Variants in FZD1 observed in about 807,000 individuals in gnomAD.
The protein encoded by FZD1 is frizzled-1.
Under a neutral mutation model 48.0 loss-of-function variants are expected in FZD1, and 22 were observed. The ratio of observed to expected loss-of-function variants is 0.46; its 90% CI spans 0.33 to 0.65. FZD1 has a LOEUF of 0.65. FZD1 is among the 30% of genes least tolerant of loss of function. The pLI, the probability that FZD1 is intolerant of heterozygous loss-of-function variation, is 0.02. For missense variants in FZD1, 843 were observed against 898.1 expected, an observed-to-expected ratio of 0.94 and a Z score of 0.78; for synonymous variants, 486 against 409.6, an observed-to-expected ratio of 1.19 and a Z score of -2.25.
chr7:91,266,110 C>T lies in FZD1; in HGVS notation c.1230C>T (p.Tyr410=), dbSNP rs1803875583. Residue 410 remains tyrosine, a synonymous_variant, in exon 1 of 1, where the codon TAC becomes TAT. Coordinates refer to ENST00000287934, the MANE Select transcript of FZD1 (RefSeq NM_003505.2). This position sits in a 1 kb window ranked among gnomAD's most constrained non-coding sequence, Gnocchi z 6.8. ...EGCTILFMML[Y]FFSMASSIWW... is the part of the protein sequence containing the mutation. ...GCACCATCCTCTTCATGATGCTCTA[C>T]TTCTTCAGCATGGCCAGCTCCATCT... is the stretch of plus-strand genomic sequence containing the variant. 2 of 1,614,240 alleles carry T rather than the reference C, an allele frequency of 1.2e-6. No individual in the cohort carries two copies. Among genetic ancestry groups the T allele is most frequent in the South Asian group, 1.1e-5 (1 of 91,086 alleles).
Position 91,268,849 on chromosome 7 carries a change from C to T in FZD1, c.*2025C>T, listed in dbSNP as rs1388011163. ...CAATGAAAAAAGTCTACCCTTAAAC[C>T]CTCAGATCAGTCTTTCCAAAGAATT... is the stretch of plus-strand genomic sequence containing the variant. On this transcript the variant is annotated 3_prime_UTR_variant, in exon 1 of 1. Coordinates refer to ENST00000287934, the MANE Select transcript of FZD1 (RefSeq NM_003505.2). 6.0e-6 allele frequency: 1 copy of T among 166,856 alleles called. No individual in the cohort carries two copies. Among genetic ancestry groups the T allele is most frequent in the African/African-American group, 2.4e-5 (1 of 41,382 alleles). The allele number at this position is 166,856 out of a possible 1,614,324, so 10.3% of individuals were successfully genotyped here. A position where few individuals can be genotyped will look rare whatever the true frequency, so the allele number is the denominator to read the frequency against.
In FZD1 at chr7:91,271,306, A is replaced by T. The variant is rs559918294; in HGVS notation, c.*4482A>T. On this transcript the variant is annotated 3_prime_UTR_variant, in exon 1 of 1. Transcript: ENST00000287934. ...ACAGCTTGCTTAGAACCTGGAAATT[A>T]AAACACAATTTCTAGAGTAATTTTT... 3 of 166,988 alleles carry T rather than the reference A, an allele frequency of 1.8e-5. No homozygotes were observed. The highest frequency in any genetic ancestry group is 4.4e-5 in the Non-Finnish European group (3 of 68,100). 10.3% of individuals were successfully genotyped at this position (166,988 alleles called of 1,614,324 possible).
In FZD1 at chr7:91,265,801, G is replaced by C. The variant is rs748264916; in HGVS notation, c.921G>C (p.Gly307=). 6.2e-7 allele frequency: 1 copy of C among 1,613,638 alleles called. No homozygotes were observed. Among genetic ancestry groups the C allele is most frequent in the Non-Finnish European group, 8.5e-7 (1 of 1,179,682 alleles). Residue 307 remains glycine, a synonymous_variant, in exon 1 of 1, where the codon GGG becomes GGC. Coordinates refer to ENST00000287934, the MANE Select transcript of FZD1 (RefSeq NM_003505.2). This position sits in a 1 kb window ranked among gnomAD's most constrained non-coding sequence, Gnocchi z 6.9. ...CTTGTGAGCCGACCAAGGTGTATGG[G>C]CTCATGTACTTCGGGCCCGAGGAGC... ...GAPCEPTKVY[G]LMYFGPEELR...
rs371579888 is a variant in FZD1 at position 91,266,291 on chromosome 7, G to A, written c.1411G>A (p.Asp471Asn). 1 of 1,614,152 alleles carries A rather than the reference G, an allele frequency of 6.2e-7. No homozygotes were observed. The highest frequency in any genetic ancestry group is 8.5e-7 in the Non-Finnish European group (1 of 1,180,030). Residue 471 changes from aspartate (D) to asparagine (N), a missense_variant, in exon 1 of 1, where the codon GAT becomes AAT. Coordinates refer to ENST00000287934, the MANE Select transcript of FZD1 (RefSeq NM_003505.2). The surrounding 1 kb of genome is among the most constrained non-coding windows in gnomAD (Gnocchi z 6.8). ...TILALGQVDG[D>N]VLSGVCFVGL... is the part of the protein sequence containing the mutation. ...CCTGGCGCTGGGCCAGGTGGACGGCGATGTGCTGAGCGGAGTGTGCTTCGT... is the reference window on the plus strand; with the variant it reads ...CCTGGCGCTGGGCCAGGTGGACGGCAATGTGCTGAGCGGAGTGTGCTTCGT...
rs1488009330 is a variant in FZD1 at position 91,264,662 on chromosome 7, A to T, written c.-219A>T. 9 of 390,456 alleles carry T rather than the reference A, an allele frequency of 2.3e-5. No individual in the cohort carries two copies. Among genetic ancestry groups the T allele is most frequent in the Non-Finnish European group, 3.1e-5 (7 of 222,226 alleles). 24.2% of individuals were successfully genotyped at this position (390,456 alleles called of 1,614,324 possible). On this transcript the variant is annotated 5_prime_UTR_variant, in exon 1 of 1. Transcript: ENST00000287934. ...GACACGACCCCGGCGCGCCCTAGCCACCCGGGTTCTCCCCGCCGCCCGCGC... is the reference window on the plus strand; with the variant it reads ...GACACGACCCCGGCGCGCCCTAGCCTCCCGGGTTCTCCCCGCCGCCCGCGC...
rs781188913 is a variant in FZD1, at chr7:91,265,366, C to A, written c.486C>A (p.Ser162=). 2 of 1,613,962 alleles carry A rather than the reference C, an allele frequency of 1.2e-6. No individual in the cohort carries two copies. Among genetic ancestry groups the A allele is most frequent in the African/African-American group, 2.7e-5 (2 of 74,936 alleles). ...ACCCTCTAGTGAAAGTGCAGTGTTC[C>A]GCTGAGCTCAAGTTCTTCCTGTGCT... ...QFYPLVKVQC[S]AELKFFLCSM... The change falls in exon 1 of 1, where the codon TCC becomes TCA. Residue 162 remains serine, a synonymous_variant. Transcript: ENST00000287934. The surrounding 1 kb of genome is among the most constrained non-coding windows in gnomAD (Gnocchi z 6.9).
rs1803917029 is a variant in FZD1 at position 91,268,168 on chromosome 7, T to G, written c.*1344T>G. The G allele has an allele frequency of 6.0e-6, 1 of 166,990 alleles. No homozygotes were observed. Among genetic ancestry groups the G allele is most frequent in the Non-Finnish European group, 1.5e-5 (1 of 68,124 alleles). 10.3% of individuals were successfully genotyped at this position (166,990 alleles called of 1,614,324 possible). ...TAGACATATATCAGAAACTTTAAAATGTAAAAGTTGTACACTTTCAACATT... is the reference window on the plus strand; with the variant it reads ...TAGACATATATCAGAAACTTTAAAAGGTAAAAGTTGTACACTTTCAACATT... On this transcript the variant is annotated 3_prime_UTR_variant, in exon 1 of 1. Coordinates refer to ENST00000287934, the MANE Select transcript of FZD1 (RefSeq NM_003505.2).
rs1250947076 is a variant in FZD1 at position 91,265,714 on chromosome 7, C to T, written c.834C>T (p.Arg278=). 6.2e-7 allele frequency: 1 copy of T among 1,606,328 alleles called. No homozygotes were observed. ...ASERGKFSCP[R]ALKVPSYLNY... ...AGCGAGGCAAGTTCTCCTGCCCGCG[C>T]GCCCTCAAGGTGCCCTCCTACCTCA... Residue 278 remains arginine, a synonymous_variant, in exon 1 of 1, where the codon CGC becomes CGT. Coordinates refer to ENST00000287934, the MANE Select transcript of FZD1 (RefSeq NM_003505.2). The surrounding 1 kb of genome is among the most constrained non-coding windows in gnomAD (Gnocchi z 6.9).
rs151338078 is a variant in FZD1, at chr7:91,266,719, G to C, written c.1839G>C (p.Val613=). ...FMIKYLMTLI[V]GITSGFWIWS... The stretch of plus-strand genomic sequence containing the variant: ...TTAAGTACCTTATGACGCTGATCGT[G>C]GGCATCACGTCGGGCTTCTGGATCT... Residue 613 remains valine, a synonymous_variant, in exon 1 of 1, where the codon GTG becomes GTC. Transcript: ENST00000287934. The surrounding 1 kb of genome is among the most constrained non-coding windows in gnomAD (Gnocchi z 6.8). 7 of 1,613,314 alleles carry C rather than the reference G, an allele frequency of 4.3e-6. No homozygotes were observed. Among genetic ancestry groups the C allele is most frequent in the Non-Finnish European group, 5.9e-6 (7 of 1,179,696 alleles).
rs1803938069 is a variant in FZD1, at chr7:91,269,624, GA to G, written c.*2804del. ...CTTATAAGTCATTATTCATTTTAAG[GA>G]AAATCAAAAAAATTAGATCTTACTA... On this transcript the variant is annotated 3_prime_UTR_variant, in exon 1 of 1. Coordinates refer to ENST00000287934, the MANE Select transcript of FZD1 (RefSeq NM_003505.2). The G allele has an allele frequency of 6.0e-6, 1 of 166,750 alleles. No homozygotes were observed. Among genetic ancestry groups the G allele is most frequent in the Admixed American group, 6.6e-5 (1 of 15,256 alleles). The allele number at this position is 166,750 out of a possible 1,614,324, so 10.3% of individuals were successfully genotyped here. A position where few individuals can be genotyped will look rare whatever the true frequency, so the allele number is the denominator to read the frequency against.
chr7:91,265,467 A>G lies in FZD1; in HGVS notation c.587A>G (p.Gln196Arg), dbSNP rs1421872447. The change falls in exon 1 of 1, where the codon CAG (glutamine) becomes CGG (arginine). Residue 196 changes from glutamine (Q) to arginine (R), a missense_variant. This residue lies in a region of FZD1 where 490 missense variants were observed against 466.5 expected (regional missense o/e 1.05). Coordinates refer to ENST00000287934, the MANE Select transcript of FZD1 (RefSeq NM_003505.2). The surrounding 1 kb of genome is among the most constrained non-coding windows in gnomAD (Gnocchi z 6.9). ...PCRSLCERAR[Q>R]GCEALMNKFG... ...CGCTCCCTGTGCGAGCGCGCGCGCC[A>G]GGGCTGCGAGGCGCTCATGAACAAG... is the stretch of plus-strand genomic sequence containing the variant. 1.1e-5 allele frequency: 17 copies of G among 1,612,954 alleles called. No individual in the cohort carries two copies. The highest frequency in any genetic ancestry group is 1.4e-5 in the Non-Finnish European group (17 of 1,179,682).
Position 91,268,658 on chromosome 7 carries a change from A to T in FZD1, c.*1834A>T, listed in dbSNP as rs925235159. 1 of 165,916 alleles carries T rather than the reference A, an allele frequency of 6.0e-6. No individual in the cohort carries two copies. The highest frequency in any genetic ancestry group is 1.5e-5 in the Non-Finnish European group (1 of 68,062). 10.3% of individuals were successfully genotyped at this position (165,916 alleles called of 1,614,324 possible). A position where few individuals can be genotyped will look rare whatever the true frequency, so the allele number is the denominator to read the frequency against. ...TATATTTATAGAGGAATAGAAGTTT[A>T]TATATATATAATACCATATTTTTAA... is the stretch of plus-strand genomic sequence containing the variant. On this transcript the variant is annotated 3_prime_UTR_variant, in exon 1 of 1. Coordinates refer to ENST00000287934, the MANE Select transcript of FZD1 (RefSeq NM_003505.2).
Position 91,266,986 on chromosome 7 carries a change from GT to G in FZD1, c.*163del. The G allele has an allele frequency of 5.1e-6, 3 of 588,460 alleles. No homozygotes were observed. The highest frequency in any genetic ancestry group is 9.2e-6 in the Non-Finnish European group (3 of 325,192). The allele number at this position is 588,460 out of a possible 1,614,324, so 36.5% of individuals were successfully genotyped here. On this transcript the variant is annotated 3_prime_UTR_variant, in exon 1 of 1. Transcript: ENST00000287934. The surrounding 1 kb of genome is among the most constrained non-coding windows in gnomAD (Gnocchi z 6.8). ...CAACTCAGCTCCTGCAAAAGCTTCC[GT>G]CCCTGAGGCAAAAGGACACGAGGGC...
At position 91,264,503 on chromosome 7, in the gene FZD1, G is replaced by A. The variant is rs1244207287; in HGVS notation, c.-378G>A. On this transcript the variant is annotated 5_prime_UTR_variant, in exon 1 of 1. Coordinates refer to ENST00000287934, the MANE Select transcript of FZD1 (RefSeq NM_003505.2). The stretch of plus-strand genomic sequence containing the variant: ...TTGACACAAATGGTCAGGCGGCGGC[G>A]GCGGAGAAGGAGGCGGAGGCGCAGG... 1.6e-5 allele frequency: 5 copies of A among 309,142 alleles called. No homozygotes were observed. Among genetic ancestry groups the A allele is most frequent in the Non-Finnish European group, 3.0e-5 (5 of 168,122 alleles). The allele number at this position is 309,142 out of a possible 1,614,324, so 19.1% of individuals were successfully genotyped here.
At position 91,265,390 on chromosome 7, in the gene FZD1, C is replaced by T; in HGVS notation, c.510C>T (p.Cys170=). 1 of 1,613,972 alleles carries T rather than the reference C, an allele frequency of 6.2e-7. No individual in the cohort carries two copies. The highest frequency in any genetic ancestry group is 8.5e-7 in the Non-Finnish European group (1 of 1,179,930). Residue 170 remains cysteine, a synonymous_variant, in exon 1 of 1, where the codon TGC becomes TGT. Coordinates refer to ENST00000287934, the MANE Select transcript of FZD1 (RefSeq NM_003505.2). This position sits in a 1 kb window ranked among gnomAD's most constrained non-coding sequence, Gnocchi z 6.9. Reference sequence around the variant, plus strand: ...CCGCTGAGCTCAAGTTCTTCCTGTGCTCCATGTACGCGCCCGTGTGCACCG... The same window carrying T: ...CCGCTGAGCTCAAGTTCTTCCTGTGTTCCATGTACGCGCCCGTGTGCACCG... ...QCSAELKFFL[C]SMYAPVCTVL...
rs945437355 is a variant in FZD1 at position 91,270,027 on chromosome 7, A to G, written c.*3203A>G. ...AACAATTTATTCTAAATGATGATGC[A>G]TATAGAAAACCAGTGTATTCTTTTA... On this transcript the variant is annotated 3_prime_UTR_variant, in exon 1 of 1. Transcript: ENST00000287934. 9.0e-5 allele frequency: 15 copies of G among 167,106 alleles called. No individual in the cohort carries two copies. The highest frequency in any genetic ancestry group is 3.1e-4 in the African/African-American group (13 of 41,454). 10.4% of individuals were successfully genotyped at this position (167,106 alleles called of 1,614,324 possible).
chr7:91,265,760 A>G lies in FZD1; in HGVS notation c.880A>G (p.Lys294Glu). 3 of 1,612,426 alleles carry G rather than the reference A, an allele frequency of 1.9e-6. No individual in the cohort carries two copies. The highest frequency in any genetic ancestry group is 2.5e-6 in the Non-Finnish European group (3 of 1,178,920). The change falls in exon 1 of 1, where the codon AAG (lysine) becomes GAG (glutamate). Residue 294 changes from lysine (K) to glutamate (E), a missense_variant. Lys to Glu is a moderately conservative substitution (Grantham distance 56). Around this residue, in one of 2 missense-constraint regions of FZD1, gnomAD observed 490 missense variants for 466.5 expected, o/e 1.05. Transcript: ENST00000287934. This position sits in a 1 kb window ranked among gnomAD's most constrained non-coding sequence, Gnocchi z 6.9. ...SYLNYHFLGEKDCGAPCEPTK... is the reference protein window; with the variant it reads ...SYLNYHFLGEEDCGAPCEPTK... ...CCTCAACTACCACTTCCTGGGGGAGAAGGACTGCGGCGCACCTTGTGAGCC... is the reference window on the plus strand; with the variant it reads ...CCTCAACTACCACTTCCTGGGGGAGGAGGACTGCGGCGCACCTTGTGAGCC...
rs959977879 is a variant in FZD1, at chr7:91,265,193, G to A, written c.313G>A (p.Glu105Lys). 9 of 1,613,150 alleles carry A rather than the reference G, an allele frequency of 5.6e-6. No homozygotes were observed. The highest frequency in any genetic ancestry group is 5.0e-5 in the Admixed American group (3 of 60,004). Residue 105 changes from glutamate (E) to lysine (K), a missense_variant, in exon 1 of 1, where the codon GAG becomes AAG. By Grantham distance (56) the Glu-to-Lys change is moderately conservative (BLOSUM62 1). This residue lies in a region of FZD1 where 490 missense variants were observed against 466.5 expected (regional missense o/e 1.05). Coordinates refer to ENST00000287934, the MANE Select transcript of FZD1 (RefSeq NM_003505.2). This position sits in a 1 kb window ranked among gnomAD's most constrained non-coding sequence, Gnocchi z 6.9. ...ACAGAGCGGGCAGCAGTACAACGGC[G>A]AGCGGGGCATCTCCGTCCCGGACCA... ...QQQSGQQYNG[E>K]RGISVPDHGY...
rs1482124173 is a variant in FZD1, at chr7:91,271,048, G to T, written c.*4224G>T. 1 of 166,986 alleles carries T rather than the reference G, an allele frequency of 6.0e-6. No individual in the cohort carries two copies. The highest frequency in any genetic ancestry group is 1.9e-4 in the East Asian group (1 of 5,200). The allele number at this position is 166,986 out of a possible 1,614,324, so 10.3% of individuals were successfully genotyped here. Reference sequence around the variant, plus strand: ...TTCAATGTCCTTACATTTAAAATGGGATCTTACAAGGGAAGTACCAAAAAA... The same window carrying T: ...TTCAATGTCCTTACATTTAAAATGGTATCTTACAAGGGAAGTACCAAAAAA... On this transcript the variant is annotated 3_prime_UTR_variant, in exon 1 of 1. Coordinates refer to ENST00000287934, the MANE Select transcript of FZD1 (RefSeq NM_003505.2).
Sources: allele counts gnomAD v4.1 joint callset, GRCh38; gene constraint gnomAD v4.1.1; regional missense constraint gnomAD v4.1.1; non-coding constraint Gnocchi (gnomAD v3.1); transcripts MANE v1.5; gene names NCBI Gene and HGNC (gene_info 2026-07-23, HGNC 2026-07-21).